Variants in POU6F2 observed in about 807,000 individuals in gnomAD.
The protein encoded by POU6F2 is POU domain, class 6, transcription factor 2.
Under a neutral mutation model 71.3 loss-of-function variants are expected in POU6F2, and 31 were observed. That is an observed-to-expected ratio of 0.43 (90% CI 0.33 to 0.59). The LOEUF is 0.59. POU6F2 is among the 20% of genes least tolerant of loss of function. The pLI is 0.04. For missense variants in POU6F2, 783 were observed against 856.8 expected (o/e 0.91, Z 1.07); for synonymous variants, 347 against 355.7 (o/e 0.98, Z 0.27).
At chr7:39,422,393 C>T (rs1787868923) in intron 6 of POU6F2, among the ~76,000 whole-genome samples, 2 of 152,066 alleles carry the variant, frequency 1.3e-5, no homozygotes, top group Non-Finnish European at 2.9e-5. Flanking sequence ...GAAACCAAGG[C>T]CACAGTGGCT....
intron 2 of POU6F2, among the ~76,000 whole-genome samples, chr7:39,126,822 C>A (rs1792147726): frequency 1.3e-5 from 2 of 152,184 alleles, no homozygotes; most frequent in South Asian, 4.1e-4. Context: ...ACATGCTTAT[C>A]TGCAAGGTGG....
chr7:39,145,839 C>G (rs151289829), intron 2 of POU6F2, among the ~76,000 whole-genome samples: 126 of 152,294 alleles, frequency 8.3e-4, no homozygotes, highest in African/African-American at 2.9e-3. Context: ...TTCATTTTTA[C>G]TTATTTGCTT....
At chr7:39,312,767 G>A (rs1442837833) in intron 4 of POU6F2, among the ~76,000 whole-genome samples, 1 of 152,200 alleles carries the variant, frequency 6.6e-6, no homozygotes, top group Non-Finnish European at 1.5e-5. Flanking sequence ...CAGTCAGTCT[G>A]ACAACTAAGA....
chr7:39,190,631 C>CTTTTTT (rs58654872), intron 2 of POU6F2, among the ~76,000 whole-genome samples: 2 of 74,202 alleles, frequency 2.7e-5, no homozygotes, highest in Non-Finnish European at 4.7e-5. Flanking sequence ...GAGTCAACTT[C>CTTTTTT]TTTTTTTTTT....
intron 2 of POU6F2, among the ~76,000 whole-genome samples, chr7:39,094,357 T>C (rs1185065693): frequency 1.4e-4 from 22 of 152,196 alleles, no homozygotes. Context: ...ATTGGGAATC[T>C]AAATATTTGT....
chr7:39,054,543 A>G (rs1329683988), intron 1 of POU6F2, among the ~76,000 whole-genome samples: 1 of 152,150 alleles, frequency 6.6e-6, no homozygotes, highest in Non-Finnish European at 1.5e-5. Context: ...GAGGGATGGA[A>G]AGTAAATGTG....
chr7:39,325,440 G>A (rs62455931), intron 4 of POU6F2, among the ~76,000 whole-genome samples: 1 of 152,126 alleles, frequency 6.6e-6, no homozygotes. Flanking sequence ...TGTTTAGGAA[G>A]TTTAAAGTTC....
At chr7:39,334,091 T>C (rs567089047) in intron 4 of POU6F2, among the ~76,000 whole-genome samples, 2 of 152,228 alleles carry the variant, frequency 1.3e-5, no homozygotes, top group South Asian at 4.2e-4. Flanking sequence ...GAAGAATTTA[T>C]CTTTATTTTC....
chr7:39,019,625 T>C (rs1562673060), intron 1 of POU6F2, among the ~76,000 whole-genome samples: 2 of 151,472 alleles, frequency 1.3e-5, no homozygotes, highest in Admixed American at 6.6e-5. Flanking sequence ...TGTGCTGAAA[T>C]CTTTTGCATT....
chr7:39,426,095 C>A (rs1352356443), intron 6 of POU6F2, among the ~76,000 whole-genome samples: 1 of 152,200 alleles, frequency 6.6e-6, no homozygotes, highest in Admixed American at 6.5e-5. Flanking sequence ...GAAAGGGTAG[C>A]CGGCCCCTCC....
At chr7:39,090,791 T>C (rs1385168610) in intron 2 of POU6F2, among the ~76,000 whole-genome samples, 1 of 152,228 alleles carries the variant, frequency 6.6e-6, no homozygotes, top group Non-Finnish European at 1.5e-5. Context: ...TTAAATCAAC[T>C]AAATAATTTG....
chr7:39,393,123 C>T (rs1284266531), intron 5 of POU6F2, among the ~76,000 whole-genome samples: 2 of 152,160 alleles, frequency 1.3e-5, no homozygotes, highest in African/African-American at 4.8e-5. Context: ...ACGGCTTCTA[C>T]AGGTAGTGGT....
intron 2 of POU6F2, among the ~76,000 whole-genome samples, chr7:39,128,704 A>T (rs1465405621): frequency 2.0e-5 from 3 of 152,218 alleles, no homozygotes; most frequent in African/African-American, 7.2e-5. Context: ...GGAAACAAGA[A>T]AGAAAACCAA....
intron 2 of POU6F2, among the ~76,000 whole-genome samples, chr7:39,156,119 C>G (rs1313841316): frequency 6.6e-6 from 1 of 152,062 alleles, no homozygotes; most frequent in East Asian, 1.9e-4. Context: ...CTCTAAATGA[C>G]CAGGTAAAAT....
chr7:39,456,204 T>C (rs150354538), intron 8 of POU6F2, among the ~76,000 whole-genome samples: 1 of 152,314 alleles, frequency 6.6e-6, no homozygotes, highest in African/African-American at 2.4e-5. Context: ...CTGAGGATTT[T>C]ACCTGAAGTT....
rs150859576 is a variant in POU6F2, at chr7:39,274,114, G to T, written c.599-65528G>T. The stretch of plus-strand genomic sequence containing the variant: ...ATTCTTGTCCATTAACATTTAATTT[G>T]AACCAGTCGTATAAAAAATTCTCTT... On this transcript the variant is annotated intron_variant, in intron 4 of 9. Coordinates refer to ENST00000518318, the MANE Select transcript of POU6F2 (RefSeq NM_001370959.1). 1.9e-3 allele frequency among the ~76,000 whole-genome samples: 290 copies of T among 151,892 alleles called. 3 individuals carry two copies. Among genetic ancestry groups the T allele is most frequent in the African/African-American group, 6.3e-3 (259 of 41,440 alleles).
At chr7:39,131,840 TA>T (rs1196698152) in intron 2 of POU6F2, among the ~76,000 whole-genome samples, 2 of 117,004 alleles carry the variant, frequency 1.7e-5, no homozygotes, top group Non-Finnish European at 3.9e-5. Flanking sequence ...TTTTGTTTTA[TA>T]TTTTTTTTTT....
intron 4 of POU6F2, among the ~76,000 whole-genome samples, chr7:39,254,141 G>A (rs1044556381): frequency 6.6e-6 from 1 of 152,124 alleles, no homozygotes; most frequent in East Asian, 1.9e-4. Flanking sequence ...GATAGGCACT[G>A]GATTTGTGAC....
At chr7:39,322,325 T>C (rs994536558) in intron 4 of POU6F2, among the ~76,000 whole-genome samples, 2 of 152,216 alleles carry the variant, frequency 1.3e-5, no homozygotes, top group Non-Finnish European at 2.9e-5. Context: ...GCAACGTGTT[T>C]GTTATGCCTG....
Sources: allele counts gnomAD v4.1 joint callset (sites outside exome capture counted in the v4.1 genomes callset), GRCh38; gene constraint gnomAD v4.1.1; transcripts MANE v1.5; gene names NCBI Gene and HGNC (gene_info 2026-07-23, HGNC 2026-07-21).